Variants in CNTN1 observed in about 807,000 individuals in gnomAD.
CNTN1 encodes contactin-1.
In CNTN1, 38 loss-of-function variants were observed where a neutral mutation model predicts 126.4. That is an observed-to-expected ratio of 0.30 (90% confidence interval 0.23 to 0.39). CNTN1 has a LOEUF of 0.39. CNTN1 is among the 10% of genes least tolerant of loss of function. The pLI, the probability that CNTN1 is intolerant of heterozygous loss-of-function variation, is 1.00. For synonymous variants in CNTN1, 413 were observed against 422.6 expected (o/e 0.98, Z 0.28); for missense variants, 1,009 against 1,248.4 (o/e 0.81, Z 2.89).
At chr12:40,782,847 C>T (rs181654195) in intron 1 of CNTN1, among the ~76,000 whole-genome samples, 1 of 151,782 alleles carries the variant, frequency 6.6e-6, no homozygotes, top group Non-Finnish European at 1.5e-5. Flanking sequence ...GACGAATTGT[C>T]TAGTTTTTCC....
At chr12:40,935,665 A>G (rs1451864253) in intron 9 of CNTN1, among the ~76,000 whole-genome samples, 1 of 152,108 alleles carries the variant, frequency 6.6e-6, no homozygotes, top group East Asian at 1.9e-4. Context: ...ACAAAATAAA[A>G]CCTTTCTCCC....
chr12:40,972,361 T>A (rs1318612364), intron 15 of CNTN1: 64 of 984,514 alleles, frequency 6.5e-5, no homozygotes, highest in Non-Finnish European at 7.6e-5. Context: ...ATACCTTCAC[T>A]TTCCCCCTTT....
chr12:41,053,428 AATATATAT>A (rs66808071), intron 23 of CNTN1, among the ~76,000 whole-genome samples: 2,461 of 64,096 alleles, frequency 0.038, 132 homozygotes, highest in African/African-American at 0.056. Flanking sequence ...GTTTTCACTA[AATATATAT>A]ATATATATAT....
At chr12:40,859,584 ATT>A (rs1291117802) in intron 1 of CNTN1, among the ~76,000 whole-genome samples, 1 of 152,054 alleles carries the variant, frequency 6.6e-6, no homozygotes, top group Non-Finnish European at 1.5e-5. Flanking sequence ...GCCACACAGT[ATT>A]TTTTCACTTT....
At chr12:40,929,743 G>GT in intron 6 of CNTN1, 53 bp from the exon 7 acceptor site, 2 of 1,349,236 alleles carry the variant, frequency 1.5e-6, no homozygotes, top group Non-Finnish European at 1.1e-6. Flanking sequence ...ATTAAATTAT[G>GT]TAACAACTTT....
intron 1 of CNTN1, among the ~76,000 whole-genome samples, chr12:40,805,958 T>G (rs973442458): frequency 1.3e-5 from 2 of 152,134 alleles, no homozygotes; most frequent in African/African-American, 2.4e-5. Context: ...CTTGTTTGTT[T>G]TCTTTCCTAT....
chr12:40,958,924 A>G lies in CNTN1; in HGVS notation c.1684-190A>G, dbSNP rs77867788. Among the ~76,000 whole-genome samples the G allele has an allele frequency of 6.5e-3, 985 of 152,244 alleles. 6 individuals are homozygous for G. Among genetic ancestry groups the G allele is most frequent in the South Asian group, 0.031 (150 of 4,826 alleles). ...ATGAAAGCTAAAAAATACCTTATCA[A>G]TAAATTATTCACTTTATTTTTCAGT... On this transcript the variant is annotated intron_variant, in intron 14 of 23. Coordinates refer to ENST00000551295, the MANE Select transcript of CNTN1 (RefSeq NM_001843.4).
intron 9 of CNTN1, among the ~76,000 whole-genome samples, 164 bp downstream of exon 9, chr12:40,934,042 C>A (rs945755370): frequency 1.3e-5 from 2 of 152,002 alleles, no homozygotes; most frequent in African/African-American, 4.8e-5. Flanking sequence ...AATGAAGTCA[C>A]AACTATGAGT....
chr12:40,978,240 C>T (rs188029611), intron 15 of CNTN1, among the ~76,000 whole-genome samples: 2 of 152,070 alleles, frequency 1.3e-5, no homozygotes, highest in African/African-American at 4.8e-5. Flanking sequence ...ATTCTAAAAT[C>T]CCTGTTTTTT....
At chr12:40,702,927 C>T (rs1941639533) in intron 1 of CNTN1, among the ~76,000 whole-genome samples, 1 of 152,042 alleles carries the variant, frequency 6.6e-6, no homozygotes, top group African/African-American at 2.4e-5. Flanking sequence ...AAAAAGAATG[C>T]TACAGAAACA....
At chr12:40,929,356 A>C (rs1012132386) in intron 6 of CNTN1, among the ~76,000 whole-genome samples, 95 of 146,240 alleles carry the variant, frequency 6.5e-4, no homozygotes, top group African/African-American at 2.2e-3. Flanking sequence ...ACACACACAA[A>C]AAAAAAAAGA....
At chr12:41,035,509 G>A (rs1467998776) in intron 23 of CNTN1, among the ~76,000 whole-genome samples, 1 of 152,022 alleles carries the variant, frequency 6.6e-6, no homozygotes, top group Non-Finnish European at 1.5e-5. Context: ...CCCTCCTGAA[G>A]CTCCCATTCT....
In CNTN1 at chr12:40,929,865, T is replaced by C; in HGVS notation, c.566T>C (p.Val189Ala). 1.9e-6 allele frequency: 3 copies of C among 1,612,866 alleles called. No individual in the cohort carries two copies. Among genetic ancestry groups the C allele is most frequent in the Admixed American group, 1.7e-5 (1 of 59,878 alleles). The part of the protein sequence containing the change: ...VFITMDKRRF[V>A]SQTNGNLYIA... The stretch of plus-strand genomic sequence containing the variant: ...ATCACAATGGATAAACGGCGATTTG[T>C]GTCTCAGACAAATGGCAATCTCTAC... Residue 189 changes from valine (V) to alanine (A), a missense_variant, in exon 7 of 24, where the codon GTG (valine) becomes GCG (alanine). Transcript: ENST00000551295.
At chr12:40,787,605 A>G (rs1041217458) in intron 1 of CNTN1, among the ~76,000 whole-genome samples, 3 of 152,142 alleles carry the variant, frequency 2.0e-5, no homozygotes, top group Non-Finnish European at 4.4e-5. Context: ...TCATTTCATC[A>G]AAACAAGAAT....
At chr12:40,791,789 A>G (rs1042034338) in intron 1 of CNTN1, among the ~76,000 whole-genome samples, 2 of 152,138 alleles carry the variant, frequency 1.3e-5, no homozygotes, top group African/African-American at 4.8e-5. Flanking sequence ...TATCCTACCC[A>G]CATCTTCCCA....
chr12:40,864,624 CATA>C (rs1428772928), intron 1 of CNTN1, among the ~76,000 whole-genome samples: 1 of 152,072 alleles, frequency 6.6e-6, no homozygotes, highest in Non-Finnish European at 1.5e-5. Context: ...TTTCACTTAG[CATA>C]ATGTTTTCAA....
intron 1 of CNTN1, among the ~76,000 whole-genome samples, chr12:40,867,091 C>A (rs2136659132): frequency 6.6e-6 from 1 of 152,310 alleles, no homozygotes; most frequent in South Asian, 2.1e-4. Context: ...TCTCTACCAT[C>A]ATTCAAACTT....
At chr12:41,052,014 A>G (rs763640778) in intron 23 of CNTN1, among the ~76,000 whole-genome samples, 1 of 151,992 alleles carries the variant, frequency 6.6e-6, no homozygotes, top group Non-Finnish European at 1.5e-5. Context: ...ATTAAATAGC[A>G]GACTCACTCT....
intron 1 of CNTN1, among the ~76,000 whole-genome samples, chr12:40,804,114 A>T (rs1419613592): frequency 6.6e-6 from 1 of 152,000 alleles, no homozygotes; most frequent in Non-Finnish European, 1.5e-5. Flanking sequence ...GAATAAAATA[A>T]TTCCAAGTGA....
Sources: gnomAD v4.1 joint callset for allele counts (sites outside exome capture counted in the v4.1 genomes callset) on GRCh38, gnomAD v4.1.1 for gene constraint, MANE v1.5 for transcripts, NCBI Gene and HGNC (gene_info 2026-07-23, HGNC 2026-07-21) for gene names.